The following LAMA3 variants were observed in gnomAD, a reference collection of about 807,000 sequenced individuals.
LAMA3 encodes the protein laminin subunit alpha 3, also known as laminin subunit alpha-3.
A neutral mutation model predicts 402.0 loss-of-function variants in LAMA3; 281 were observed. That is an observed-to-expected ratio of 0.70 (90% confidence interval 0.63 to 0.77). LAMA3 has a LOEUF of 0.77. LAMA3 is among the 30% of genes least tolerant of loss of function. The probability of loss-of-function intolerance (pLI) is 0.00; values close to 1 mark genes in which losing one functional copy is unlikely to be tolerated. For synonymous variants in LAMA3, 1,431 were observed against 1,558.4 expected (o/e 0.92, Z 1.93); for missense variants, 3,840 against 4,215.5 (o/e 0.91, Z 2.47).
At position 23,809,319 on chromosome 18, in the gene LAMA3, A is replaced by C. The variant is rs578234899; in HGVS notation, c.1604-1047A>C. On this transcript the variant is annotated intron_variant, in intron 12 of 74. Transcript: ENST00000313654. Reference sequence around the variant, plus strand: ...TGGCACAGCTGGTACTGGAATCCAGATGTGTCTGACTCCAAAGACTGAAGC... The same window carrying C: ...TGGCACAGCTGGTACTGGAATCCAGCTGTGTCTGACTCCAAAGACTGAAGC... 1.3e-3 allele frequency among the ~76,000 whole-genome samples: 194 copies of C among 152,336 alleles called. 3 individuals are homozygous for C. In the South Asian group the frequency reaches 0.016, roughly 13 times the overall value.
At chr18:23,953,338 GT>G (rs1169151185) in intron 74 of LAMA3, among the ~76,000 whole-genome samples, 98 of 104,518 alleles carry the variant, frequency 9.4e-4, no homozygotes, top group South Asian at 5.4e-3. Context: ...TTTTTTTTTT[GT>G]TTTTTTTTTT....
rs151167494 is a variant in LAMA3 at position 23,735,591 on chromosome 18, G to A, written c.448-12352G>A. Among the ~76,000 whole-genome samples the A allele has an allele frequency of 1.8e-3, 270 of 152,158 alleles. 1 individual carries two copies. The highest frequency in any genetic ancestry group is 6.1e-3 in the African/African-American group (255 of 41,482). On this transcript the variant is annotated intron_variant, in intron 2 of 74. Transcript: ENST00000313654. ...TTATCCTTAAACACGCTCCCTTGAG[G>A]TGCGCTCACTGCTGTGGGCTGAGCA...
At chr18:23,809,565 A>T (rs1483529407) in intron 12 of LAMA3, among the ~76,000 whole-genome samples, 4 of 152,202 alleles carry the variant, frequency 2.6e-5, no homozygotes, top group Non-Finnish European at 4.4e-5. Context: ...GTGCAACTCC[A>T]GCCCATAGAA....
At chr18:23,744,492 C>A (rs2061614177) in intron 2 of LAMA3, among the ~76,000 whole-genome samples, 1 of 152,038 alleles carries the variant, frequency 6.6e-6, no homozygotes, top group Non-Finnish European at 1.5e-5. Context: ...GGCAGAGGGG[C>A]ACATCAATTG....
chr18:23,876,579 C>T (rs192653090), intron 39 of LAMA3, among the ~76,000 whole-genome samples, 172 bp downstream of exon 39: 3 of 152,334 alleles, frequency 2.0e-5, no homozygotes, highest in Admixed American at 2.0e-4. Flanking sequence ...ATTTCATTTT[C>T]TCCTCCATTT....
Position 23,775,918 on chromosome 18 carries a change from G to A in LAMA3, c.1400G>A (p.Cys467Tyr). 2 of 1,614,100 alleles carry A rather than the reference G, an allele frequency of 1.2e-6. No homozygotes were observed. Among genetic ancestry groups the A allele is most frequent in the South Asian group, 2.2e-5 (2 of 91,074 alleles). ...CAIGYYNFPF[C>Y]LRIPIFPVST... ...ATTGGATACTACAATTTCCCATTTTGCTTGAGTAAGTACCCACTGCAGAAC... is the reference window on the plus strand; with the variant it reads ...ATTGGATACTACAATTTCCCATTTTACTTGAGTAAGTACCCACTGCAGAAC... The change falls in exon 10 of 75, where the codon TGC (cysteine) becomes TAC (tyrosine). Residue 467 changes from cysteine to tyrosine, a missense_variant. Physicochemically the swap from Cys to Tyr is radical, Grantham distance 194. Transcript: ENST00000313654.
chr18:23,903,126 G>A lies in LAMA3; in HGVS notation c.6318+1G>A. 1.3e-6 allele frequency: 2 copies of A among 1,571,082 alleles called. No homozygotes were observed. The highest frequency in any genetic ancestry group is 1.1e-5 in the South Asian group (1 of 90,164). ...GCAGCTGATGGAGAAAAGCCAGAAG[G>A]TAGAGGAAATAGTTGTTCTCTAGAA... On this transcript the variant is annotated splice_donor_variant, in intron 49 of 74. Transcript: ENST00000313654. LOFTEE classifies it high-confidence loss of function.
intron 23 of LAMA3, among the ~76,000 whole-genome samples, chr18:23,829,928 C>A (rs936621338): frequency 1.3e-5 from 2 of 152,132 alleles, no homozygotes; most frequent in Admixed American, 6.6e-5. Flanking sequence ...AGATTGGAAG[C>A]AATTTTTAGC....
chr18:23,907,402 G>T, intron 52 of LAMA3, 148 bp from the exon 53 acceptor site: 1 of 729,336 alleles, frequency 1.4e-6, no homozygotes, highest in Non-Finnish European at 2.5e-6. Flanking sequence ...GTGGGTCTGG[G>T]CACATGCAGT....
At chr18:23,774,458 T>C (rs1204379702) in intron 9 of LAMA3, among the ~76,000 whole-genome samples, 1 of 152,230 alleles carries the variant, frequency 6.6e-6, no homozygotes, top group Admixed American at 6.5e-5. Context: ...TAGTTATATA[T>C]AATTTAGGCT....
At chr18:23,707,473 G>T (rs1392723247) in intron 1 of LAMA3, among the ~76,000 whole-genome samples, 2 of 152,208 alleles carry the variant, frequency 1.3e-5, no homozygotes, top group East Asian at 1.9e-4. Context: ...GCAGAGACTA[G>T]CCTCCAGGGC....
chr18:23,786,202 C>T (rs907565942), intron 12 of LAMA3, among the ~76,000 whole-genome samples: 3 of 152,148 alleles, frequency 2.0e-5, no homozygotes, highest in African/African-American at 7.2e-5. Flanking sequence ...GCCATGACCC[C>T]CTTCATTATC....
chr18:23,817,863 T>G (rs541631651), intron 18 of LAMA3, among the ~76,000 whole-genome samples: 16 of 152,288 alleles, frequency 1.1e-4, no homozygotes, highest in Non-Finnish European at 8.8e-5. Flanking sequence ...GCTTTGTAAA[T>G]GCCTGCATAA....
intron 27 of LAMA3, among the ~76,000 whole-genome samples, chr18:23,840,597 G>A (rs941236196): frequency 6.6e-6 from 1 of 151,776 alleles, no homozygotes; most frequent in African/African-American, 2.4e-5. Context: ...ATGTTGCCCA[G>A]GTTGGTCTCG....
intron 68 of LAMA3, among the ~76,000 whole-genome samples, chr18:23,939,796 T>C (rs2082434340): frequency 6.6e-6 from 1 of 152,222 alleles, no homozygotes; most frequent in African/African-American, 2.4e-5. Flanking sequence ...TTTTAGAGAA[T>C]ACATTTGGCC....
intron 12 of LAMA3, among the ~76,000 whole-genome samples, chr18:23,805,866 T>A (rs537486529): frequency 1.3e-5 from 2 of 152,026 alleles, no homozygotes; most frequent in Middle Eastern, 3.4e-3. Context: ...TGGAGTGGAG[T>A]TCTTCCACAA....
Position 23,705,692 on chromosome 18 carries a change from A to G in LAMA3, c.295-8228A>G, listed in dbSNP as rs568875726. ...GCCACCATGCCCAGCTAATTTTTGT[A>G]TTTTTTGTAGAGACGGGGTTTCACC... On this transcript the variant is annotated intron_variant, in intron 1 of 74. Coordinates refer to ENST00000313654, the MANE Select transcript of LAMA3 (RefSeq NM_198129.4). Among the ~76,000 whole-genome samples the G allele has an allele frequency of 5.3e-5, 8 of 151,994 alleles. 1 individual carries two copies. Among genetic ancestry groups the G allele is most frequent in the African/African-American group, 1.9e-4 (8 of 41,462 alleles).
At chr18:23,894,598 G>C (rs2145057628) in intron 43 of LAMA3, among the ~76,000 whole-genome samples, 1 of 152,294 alleles carries the variant, frequency 6.6e-6, no homozygotes, top group South Asian at 2.1e-4. Flanking sequence ...GGATATTAGG[G>C]AAGTGCTTGT....
chr18:23,696,056 G>A (rs2060681480), intron 1 of LAMA3, among the ~76,000 whole-genome samples: 1 of 152,076 alleles, frequency 6.6e-6, no homozygotes, highest in Non-Finnish European at 1.5e-5. Context: ...ATTGTGAAAT[G>A]AAAGCTCCTA....
Sources: gnomAD v4.1 joint callset for allele counts (sites outside exome capture counted in the v4.1 genomes callset) on GRCh38, gnomAD v4.1.1 for gene constraint, MANE v1.5 for transcripts, NCBI Gene and HGNC (gene_info 2026-07-23, HGNC 2026-07-21) for gene names.